Variants in MRPL42 observed in about 807,000 individuals in gnomAD.
The protein encoded by MRPL42 is mitochondrial ribosomal protein L42, also known as large ribosomal subunit protein mL42.
In MRPL42, 17 loss-of-function variants were observed where a neutral mutation model predicts 17.9. That is an observed-to-expected ratio of 0.95 (90% CI 0.65 to 1.42). MRPL42 has a LOEUF of 1.42. Among genes scored for constraint, MRPL42 ranks in the 40% most tolerant of loss-of-function variants. The probability of loss-of-function intolerance (pLI) is 0.00; values close to 1 mark genes in which losing one functional copy is unlikely to be tolerated. For synonymous variants in MRPL42, 59 were observed against 54.4 expected (o/e 1.08, Z -0.37); for missense variants, 177 against 175.2 (o/e 1.01, Z -0.06).
At chr12:93,472,399 A>C (rs1275247991) in intron 2 of MRPL42, among the ~76,000 whole-genome samples, 1 of 152,088 alleles carries the variant, frequency 6.6e-6, no homozygotes, top group Non-Finnish European at 1.5e-5. Context: ...CAACATAGGA[A>C]ACCTCATTTC....
chr12:93,481,437 T>G (rs1244556883), intron 4 of MRPL42, among the ~76,000 whole-genome samples: 1 of 152,222 alleles, frequency 6.6e-6, no homozygotes, highest in Non-Finnish European at 1.5e-5. Context: ...TCCTAACAAT[T>G]TCTAGCTTTG....
rs1316245092 is a variant in MRPL42, at chr12:93,514,276, G to C, written c.*13055G>C. 1 of 147,886 alleles carries C rather than the reference G, an allele frequency of 6.8e-6. No homozygotes were observed. Among genetic ancestry groups the C allele is most frequent in the African/African-American group, 2.5e-5 (1 of 40,052 alleles). 9.2% of individuals were successfully genotyped at this position (147,886 alleles called of 1,614,324 possible). Reference sequence around the variant, plus strand: ...AATGATTGGACAGTTTTCTCCCTCTGCTTTTTCTTTCTTTCTTTCTTTTTT... The same window carrying C: ...AATGATTGGACAGTTTTCTCCCTCTCCTTTTTCTTTCTTTCTTTCTTTTTT... On this transcript the variant is annotated 3_prime_UTR_variant, in exon 6 of 6. Coordinates refer to ENST00000549982, the MANE Select transcript of MRPL42 (RefSeq NM_014050.4).
At chr12:93,497,568 G>C (rs2121270161) in intron 5 of MRPL42, among the ~76,000 whole-genome samples, 1 of 152,248 alleles carries the variant, frequency 6.6e-6, no homozygotes, top group African/African-American at 2.4e-5. Context: ...ACTAGGCATT[G>C]AGGGAACATA....
chr12:93,483,025 G>A lies in MRPL42; in HGVS notation c.219+3553G>A, dbSNP rs141273943. ...TTCTTATGCCTCAGCCACCCAAATAGCTGGGATTACAGGCACTCGTGACCA... is the reference window on the plus strand; with the variant it reads ...TTCTTATGCCTCAGCCACCCAAATAACTGGGATTACAGGCACTCGTGACCA... On this transcript the variant is annotated intron_variant, in intron 4 of 5. Coordinates refer to ENST00000549982, the MANE Select transcript of MRPL42 (RefSeq NM_014050.4). Among the ~76,000 whole-genome samples the A allele has an allele frequency of 4.9e-3, 748 of 152,152 alleles. 8 individuals are homozygous for A. The highest frequency in any genetic ancestry group is 0.016 in the African/African-American group (673 of 41,504).
Position 93,511,759 on chromosome 12 carries a change from A to G in MRPL42, c.*10538A>G, listed in dbSNP as rs1953727585. 6.6e-6 allele frequency: 1 copy of G among 152,256 alleles called. No homozygotes were observed. Among genetic ancestry groups the G allele is most frequent in the African/African-American group, 2.4e-5 (1 of 41,470 alleles). 9.4% of individuals were successfully genotyped at this position (152,256 alleles called of 1,614,324 possible). ...ACTCTAAACAACAGTAAAGTGTGGA[A>G]TAAATTACTTTGTTAATTAATGTGG... is the stretch of plus-strand genomic sequence containing the variant. On this transcript the variant is annotated 3_prime_UTR_variant, in exon 6 of 6. Coordinates refer to ENST00000549982, the MANE Select transcript of MRPL42 (RefSeq NM_014050.4).
rs887138743 is a variant in MRPL42, at chr12:93,495,583, C to T, written c.384-5593C>T. ...TTCAGACATGAGATAATCTAATCAA[C>T]GATACTTATTAGCCACTGGCCTATT... is the stretch of plus-strand genomic sequence containing the variant. On this transcript the variant is annotated intron_variant, in intron 5 of 5. Coordinates refer to ENST00000549982, the MANE Select transcript of MRPL42 (RefSeq NM_014050.4). 5.9e-5 allele frequency among the ~76,000 whole-genome samples: 9 copies of T among 152,146 alleles called. 1 individual carries two copies. The highest frequency in any genetic ancestry group is 1.0e-4 in the Non-Finnish European group (7 of 68,034).
intron 5 of MRPL42, among the ~76,000 whole-genome samples, chr12:93,489,769 C>G (rs1023938239): frequency 3.3e-5 from 5 of 151,980 alleles, no homozygotes; most frequent in African/African-American, 1.2e-4. Context: ...CTCCTGACCT[C>G]AGGTGATCTG....
intron 2 of MRPL42, among the ~76,000 whole-genome samples, chr12:93,471,957 CAATT>C (rs1237967485): frequency 6.6e-6 from 1 of 152,152 alleles, no homozygotes; most frequent in Admixed American, 6.5e-5. Flanking sequence ...TGTTTTGAAA[CAATT>C]AGTCCTCACA....
At chr12:93,479,497 GT>G in intron 4 of MRPL42, 25 bp downstream of exon 4, 1 of 1,516,362 alleles carries the variant, frequency 6.6e-7, no homozygotes, top group African/African-American at 1.4e-5. Flanking sequence ...ATTTCTTGCA[GT>G]TTTTAATTTG....
rs1433294526 is a variant in MRPL42, at chr12:93,514,797, CT to C, written c.*13579del. The stretch of plus-strand genomic sequence containing the variant: ...ACTCTCCCTTATCCTGATTGTCCTC[CT>C]TTAGACACATGCTTTTAATGATATA... On this transcript the variant is annotated 3_prime_UTR_variant, in exon 6 of 6. Transcript: ENST00000549982. 1 of 152,052 alleles carries C rather than the reference CT, an allele frequency of 6.6e-6. No homozygotes were observed. The highest frequency in any genetic ancestry group is 1.9e-4 in the East Asian group (1 of 5,196). 9.4% of individuals were successfully genotyped at this position (152,052 alleles called of 1,614,324 possible). A position where few individuals can be genotyped will look rare whatever the true frequency, so the allele number is the denominator to read the frequency against.
intron 5 of MRPL42, among the ~76,000 whole-genome samples, chr12:93,490,248 G>A (rs1056168449): frequency 2.0e-5 from 3 of 152,198 alleles, no homozygotes; most frequent in Non-Finnish European, 2.9e-5. Context: ...AGACATTTGT[G>A]TCTAGTACCC....
Position 93,514,944 on chromosome 12 carries a change from T to C in MRPL42, c.*13723T>C, listed in dbSNP as rs966092739. 1 of 152,210 alleles carries C rather than the reference T, an allele frequency of 6.6e-6. No homozygotes were observed. The highest frequency in any genetic ancestry group is 1.5e-5 in the Non-Finnish European group (1 of 68,026). The allele number at this position is 152,210 out of a possible 1,614,324, so 9.4% of individuals were successfully genotyped here. ...AGTCATGTCATCCTCTTGATTTGCATTGAGTCATCATTTCTTAAGAGGGAA... is the reference window on the plus strand; with the variant it reads ...AGTCATGTCATCCTCTTGATTTGCACTGAGTCATCATTTCTTAAGAGGGAA... On this transcript the variant is annotated 3_prime_UTR_variant, in exon 6 of 6. Transcript: ENST00000549982.
rs1048069203 is a variant in MRPL42 at position 93,513,980 on chromosome 12, A to G, written c.*12759A>G. ...AGTCTCCTGCCTCAGCCTTCCGAGT[A>G]GCTGGGACTACAGGTGCCCACCACC... On this transcript the variant is annotated 3_prime_UTR_variant, in exon 6 of 6. Transcript: ENST00000549982. 6.6e-6 allele frequency: 1 copy of G among 152,302 alleles called. No individual in the cohort carries two copies. Among genetic ancestry groups the G allele is most frequent in the African/African-American group, 2.4e-5 (1 of 41,408 alleles). 9.4% of individuals were successfully genotyped at this position (152,302 alleles called of 1,614,324 possible).
At chr12:93,490,424 G>T (rs973601) in intron 5 of MRPL42, among the ~76,000 whole-genome samples, 1 of 151,982 alleles carries the variant, frequency 6.6e-6, no homozygotes, top group South Asian at 2.1e-4. Context: ...GCTTGGCAGA[G>T]AAACCCCAGA....
chr12:93,469,351 C>T lies in MRPL42; in HGVS notation c.66C>T (p.Val22=), dbSNP rs1178521141. 1 of 1,594,890 alleles carries T rather than the reference C, an allele frequency of 6.3e-7. No homozygotes were observed. Among genetic ancestry groups the T allele is most frequent in the East Asian group, 2.2e-5 (1 of 44,496 alleles). The part of the protein sequence containing the change: ...KRTILKHLFP[V]QNGALYCVCH... ...CTATCTTGAAACATTTATTTCCAGT[C>T]CAAAGTAAGTGAAATTTTTTTTAAT... is the stretch of plus-strand genomic sequence containing the variant. The change falls in exon 2 of 6, where the codon GTC becomes GTT. Residue 22 remains valine (V), a synonymous_variant. Transcript: ENST00000549982.
chr12:93,467,723 C>T (rs935972929), intron 1 of MRPL42, among the ~76,000 whole-genome samples, 169 bp downstream of exon 1: 51 of 152,240 alleles, frequency 3.3e-4, no homozygotes, highest in African/African-American at 1.2e-3. Context: ...TGTGGCTGCG[C>T]GTTTCTTATA....
rs1953614560 is a variant in MRPL42, at chr12:93,502,864, T to C, written c.*1643T>C. 1 of 152,244 alleles carries C rather than the reference T, an allele frequency of 6.6e-6. No individual in the cohort carries two copies. The highest frequency in any genetic ancestry group is 6.5e-5 in the Admixed American group (1 of 15,282). The allele number at this position is 152,244 out of a possible 1,614,324, so 9.4% of individuals were successfully genotyped here. ...AGATGCCCACATCCACATACTTATG[T>C]GTCAGTGCTTTGGAGAATTAACTTT... On this transcript the variant is annotated 3_prime_UTR_variant, in exon 6 of 6. Transcript: ENST00000549982.
chr12:93,502,251 A>G lies in MRPL42; in HGVS notation c.*1030A>G, dbSNP rs1340800389. Reference sequence around the variant, plus strand: ...TGATTAAAATGTTAAGGTCACTAGAATAGTGTTAGGAAAATGTTAATAGAT... The same window carrying G: ...TGATTAAAATGTTAAGGTCACTAGAGTAGTGTTAGGAAAATGTTAATAGAT... On this transcript the variant is annotated 3_prime_UTR_variant, in exon 6 of 6. Coordinates refer to ENST00000549982, the MANE Select transcript of MRPL42 (RefSeq NM_014050.4). 6.6e-6 allele frequency: 1 copy of G among 152,218 alleles called. No homozygotes were observed. The highest frequency in any genetic ancestry group is 2.4e-5 in the African/African-American group (1 of 41,460). 9.4% of individuals were successfully genotyped at this position (152,218 alleles called of 1,614,324 possible).
intron 2 of MRPL42, among the ~76,000 whole-genome samples, chr12:93,473,748 T>C (rs1880021643): frequency 1.3e-5 from 2 of 151,880 alleles, no homozygotes; most frequent in African/African-American, 4.8e-5. Flanking sequence ...TGTATTTCTT[T>C]GTAGAGATGG....
Sources: allele counts gnomAD v4.1 joint callset (sites outside exome capture counted in the v4.1 genomes callset), GRCh38; gene constraint gnomAD v4.1.1; transcripts MANE v1.5; gene names NCBI Gene and HGNC (gene_info 2026-07-23, HGNC 2026-07-21).